The following RBFOX1 variants were observed in gnomAD, a reference collection of about 807,000 sequenced individuals.
RBFOX1 encodes RNA binding protein fox-1 homolog 1.
A neutral mutation model predicts 57.7 loss-of-function variants in RBFOX1; 8 were observed. The observed-to-expected ratio is 0.14, with a 90% CI of 0.08 to 0.25. The LOEUF is 0.25. Ranked by LOEUF, RBFOX1 falls within the 10% of genes least tolerant of loss-of-function variation. The probability of loss-of-function intolerance (pLI) is 1.00; values close to 1 mark genes in which losing one functional copy is unlikely to be tolerated. For missense variants in RBFOX1, 611 were observed against 548.5 expected (o/e 1.11, Z -1.14); for synonymous variants, 326 against 222.4 (o/e 1.47, Z -4.15).
rs1603475124 is a variant in RBFOX1, at chr16:6,734,415, C to T, written c.-16+79765C>T. ...TACTGAACACTGACAATTATGTAGC[C>T]ATTTCCTTTACGTGGATTATCTCAT... On this transcript the variant is annotated intron_variant, in intron 3 of 15. Coordinates refer to ENST00000550418, the MANE Select transcript of RBFOX1 (RefSeq NM_018723.4). Among the ~76,000 whole-genome samples the T allele has an allele frequency of 2.6e-5, 4 of 152,248 alleles. No individual in the cohort carries two copies. The South Asian group carries it at 8.3e-4, about 32-fold the overall frequency.
At chr16:7,703,970 G>C (rs1252195732) in intron 14 of RBFOX1, among the ~76,000 whole-genome samples, 1 of 152,314 alleles carries the variant, frequency 6.6e-6, no homozygotes, top group Non-Finnish European at 1.5e-5. Flanking sequence ...TACAATCTAA[G>C]AAGCCATGTA....
intron 4 of RBFOX1, among the ~76,000 whole-genome samples, chr16:5,965,521 C>T (rs1487636419): frequency 6.6e-6 from 1 of 152,152 alleles, no homozygotes; most frequent in African/African-American, 2.4e-5. Flanking sequence ...AAACACATAA[C>T]CACACCTTCA....
chr16:6,754,492 G>A (rs936805182), intron 3 of RBFOX1, among the ~76,000 whole-genome samples: 2 of 152,118 alleles, frequency 1.3e-5, no homozygotes, highest in African/African-American at 4.8e-5. Context: ...TCTTTTTCAT[G>A]AGGAAAATTG....
At chr16:5,853,218 C>G (rs576786070) in intron 3 of RBFOX1, among the ~76,000 whole-genome samples, 22 of 152,150 alleles carry the variant, frequency 1.4e-4, no homozygotes, top group African/African-American at 5.1e-4. Flanking sequence ...ATTTCAATGC[C>G]AGGTAGCATT....
At chr16:6,658,945 G>A (rs61325644) in intron 3 of RBFOX1, among the ~76,000 whole-genome samples, 1 of 139,446 alleles carries the variant, frequency 7.2e-6, no homozygotes, top group Non-Finnish European at 1.6e-5. Context: ...TGTTTTTTTT[G>A]TTTTTTTTTT....
intron 4 of RBFOX1, among the ~76,000 whole-genome samples, chr16:7,189,534 C>T (rs974773096): frequency 2.7e-5 from 4 of 147,040 alleles, no homozygotes; most frequent in Non-Finnish European, 6.0e-5. Context: ...GCCCCCACTC[C>T]AAAACACTAT....
chr16:6,812,154 A>T (rs1375864587), intron 3 of RBFOX1, among the ~76,000 whole-genome samples: 1 of 152,082 alleles, frequency 6.6e-6, no homozygotes, highest in East Asian at 1.9e-4. Context: ...TTAATGAATG[A>T]TTTTCAAGTA....
chr16:6,409,724 C>G (rs2093397623), intron 2 of RBFOX1, among the ~76,000 whole-genome samples: 1 of 152,188 alleles, frequency 6.6e-6, no homozygotes, highest in Non-Finnish European at 1.5e-5. Flanking sequence ...CTGCAAACCA[C>G]TGTCTTAAGC....
At chr16:5,847,939 T>C (rs1041590200) in intron 3 of RBFOX1, among the ~76,000 whole-genome samples, 1 of 152,184 alleles carries the variant, frequency 6.6e-6, no homozygotes, top group Non-Finnish European at 1.5e-5. Context: ...AATAAGGCAT[T>C]GTCTGGTCTT....
At chr16:6,836,993 A>G (rs1156512278) in intron 3 of RBFOX1, among the ~76,000 whole-genome samples, 2 of 152,126 alleles carry the variant, frequency 1.3e-5, no homozygotes, top group Non-Finnish European at 2.9e-5. Context: ...AATGACTCAC[A>G]TAGCTTCTCA....
At chr16:7,194,080 A>C (rs2086091748) in intron 4 of RBFOX1, among the ~76,000 whole-genome samples, 1 of 152,098 alleles carries the variant, frequency 6.6e-6, no homozygotes, top group Non-Finnish European at 1.5e-5. Context: ...TGGGAGAAGG[A>C]GTTATTCTCT....
chr16:5,695,903 G>C (rs1175354527), intron 3 of RBFOX1, among the ~76,000 whole-genome samples: 1 of 152,086 alleles, frequency 6.6e-6, no homozygotes, highest in South Asian at 2.1e-4. Context: ...ACATCATGTT[G>C]TACCTCTTAA....
At chr16:6,346,181 C>T (rs937712462) in intron 2 of RBFOX1, among the ~76,000 whole-genome samples, 20 of 152,248 alleles carry the variant, frequency 1.3e-4, no homozygotes, top group Non-Finnish European at 2.1e-4. Context: ...ATTTTCCTTT[C>T]CAACACATAT....
At chr16:7,096,834 A>G (rs2061773608) in intron 4 of RBFOX1, among the ~76,000 whole-genome samples, 2 of 146,082 alleles carry the variant, frequency 1.4e-5, no homozygotes, top group Non-Finnish European at 3.0e-5. Flanking sequence ...TAGGGGGCTG[A>G]GGTAAGAGAA....
rs955710029 is a variant in RBFOX1 at position 5,412,240 on chromosome 16, G to C, written c.220-54976G>C. Among the ~76,000 whole-genome samples the C allele has an allele frequency of 4.7e-5, 7 of 147,582 alleles. No individual in the cohort carries two copies. In the South Asian group the frequency reaches 1.5e-3, roughly 33 times the overall value. Reference sequence around the variant, plus strand: ...TTGGGACAGTGACCACCTGTCTCCAGTCTTTAGAATCCTCATCTCTGAGTT... The same window carrying C: ...TTGGGACAGTGACCACCTGTCTCCACTCTTTAGAATCCTCATCTCTGAGTT... On this transcript the variant is annotated intron_variant, in intron 1 of 2. Transcript: ENST00000585867.
chr16:7,447,679 A>G (rs1407233315), intron 4 of RBFOX1, among the ~76,000 whole-genome samples: 1 of 151,964 alleles, frequency 6.6e-6, no homozygotes, highest in African/African-American at 2.4e-5. Context: ...CTGTCTATGA[A>G]CCTCTGCCTC....
At chr16:7,709,625 C>G (rs1277262326) in intron 15 of RBFOX1, 2 of 1,531,850 alleles carry the variant, frequency 1.3e-6, no homozygotes, top group Non-Finnish European at 1.7e-6. Flanking sequence ...GTCATAGTCG[C>G]CCAGGAAAGA....
chr16:6,763,113 C>G (rs569072927), intron 3 of RBFOX1, among the ~76,000 whole-genome samples: 4 of 152,320 alleles, frequency 2.6e-5, no homozygotes, highest in African/African-American at 7.2e-5. Flanking sequence ...AGACCACTGT[C>G]TCCTCCACCT....
intron 3 of RBFOX1, among the ~76,000 whole-genome samples, chr16:5,819,322 G>C (rs963394914): frequency 2.0e-5 from 3 of 152,168 alleles, no homozygotes; most frequent in African/African-American, 7.2e-5. Flanking sequence ...GCTTATGCCT[G>C]TGACCTGACC....
Sources: gnomAD v4.1 joint callset for allele counts (sites outside exome capture counted in the v4.1 genomes callset) on GRCh38, gnomAD v4.1.1 for gene constraint, MANE v1.5 for transcripts, NCBI Gene and HGNC (gene_info 2026-07-23, HGNC 2026-07-21) for gene names.